KCNRG: variants seen among roughly 807,000 people sequenced by gnomAD.
KCNRG encodes potassium channel regulatory protein.
Under a neutral mutation model 17.7 loss-of-function variants are expected in KCNRG, and 17 were observed. That is an observed-to-expected ratio of 0.96 (90% CI 0.66 to 1.44). KCNRG has a LOEUF of 1.44. Ranked by LOEUF, KCNRG falls within the 40% of genes most tolerant of loss-of-function variation. KCNRG has a pLI of 0.00. For missense variants in KCNRG, 311 were observed against 321.1 expected (o/e 0.97, Z 0.24); for synonymous variants, 97 against 116.5 (o/e 0.83, Z 1.08).
chr13:50,016,955 C>G (rs1042503786), intron 1 of KCNRG: 2 of 165,970 alleles, frequency 1.2e-5, no homozygotes, highest in East Asian at 1.9e-4. Flanking sequence ...GTGTCTCTCT[C>G]TCTTAGCGAC....
rs766962208 is a variant in KCNRG, at chr13:50,020,214, G to C, written c.579G>C (p.Arg193Ser). Residue 193 changes from arginine to serine, a missense_variant and splice_region_variant, in exon 2 of 2, where the codon AGG (arginine) becomes AGC (serine). Arg to Ser is a moderately radical substitution (Grantham distance 110, BLOSUM62 -1). Transcript: ENST00000312942. Reference protein sequence around the residue: ...DSTTDNQTGVRYVSIKPDNRK... With the variant: ...DSTTDNQTGVSYVSIKPDNRK... ...TTAAGCTTCTTTTTGTGTGTCCTAG[G>C]TATGTTTCTATAAAACCTGATAACC... 6.2e-7 allele frequency: 1 copy of C among 1,613,832 alleles called. No homozygotes were observed. The highest frequency in any genetic ancestry group is 1.1e-5 in the South Asian group (1 of 91,070).
chr13:50,020,226 A>G lies in KCNRG; in HGVS notation c.591A>G (p.Ile197Met), dbSNP rs1877073611. ...TTGTGTGTCCTAGGTATGTTTCTAT[A>G]AAACCTGATAACCGAAAATTGGCCA... The part of the protein sequence containing the change: ...DNQTGVRYVS[I>M]KPDNRKLANG... The change falls in exon 2 of 2, where the codon ATA becomes ATG. Residue 197 changes from isoleucine to methionine, a missense_variant. Physicochemically the swap from Ile to Met is conservative, Grantham distance 10. Coordinates refer to ENST00000312942, the MANE Select transcript of KCNRG (RefSeq NM_173605.2). 1.2e-6 allele frequency: 2 copies of G among 1,614,078 alleles called. No individual in the cohort carries two copies. Among genetic ancestry groups the G allele is most frequent in the African/African-American group, 1.3e-5 (1 of 75,060 alleles).
intron 1 of KCNRG, among the ~76,000 whole-genome samples, chr13:50,019,763 C>T (rs1361267906): frequency 6.6e-6 from 1 of 152,110 alleles, no homozygotes; most frequent in African/African-American, 2.4e-5. Flanking sequence ...GGTAGCCTAG[C>T]ACGGTGGCTC....
intron 1 of KCNRG, 30 bp downstream of exon 1, chr13:50,016,101 T>C: frequency 6.7e-7 from 1 of 1,502,792 alleles, no homozygotes; most frequent in Non-Finnish European, 9.2e-7. Flanking sequence ...ATTTCTCTTG[T>C]ATACCAGTTT....
Position 50,020,098 on chromosome 13 carries a change from A to G in KCNRG, c.579-116A>G. On this transcript the variant is annotated intron_variant, in intron 1 of 1. Transcript: ENST00000312942. ...GTAAAGTAAATGAAATTTCAAAAAA[A>G]AAATCTGTCTTGAGAAGGTATGATG... 5 of 959,880 alleles carry G rather than the reference A, an allele frequency of 5.2e-6. No homozygotes were observed. The South Asian group carries it at 6.8e-5, about 13-fold the overall frequency. 59.5% of individuals were successfully genotyped at this position (959,880 alleles called of 1,614,324 possible). A position where few individuals can be genotyped will look rare whatever the true frequency, so the allele number is the denominator to read the frequency against.
In KCNRG at chr13:50,020,837, T is replaced by C. The variant is rs1198896953; in HGVS notation, c.*383T>C. On this transcript the variant is annotated 3_prime_UTR_variant, in exon 2 of 2. Transcript: ENST00000312942. ...ACTTGATCATTACACCTTCTATGCA[T>C]GCAACAAAATGCCACGTGTACCCCA... 3 of 169,044 alleles carry C rather than the reference T, an allele frequency of 1.8e-5. No individual in the cohort carries two copies. The highest frequency in any genetic ancestry group is 4.8e-5 in the African/African-American group (2 of 41,898). 10.5% of individuals were successfully genotyped at this position (169,044 alleles called of 1,614,324 possible). A position where few individuals can be genotyped will look rare whatever the true frequency, so the allele number is the denominator to read the frequency against.
chr13:50,016,266 T>TCCC, intron 1 of KCNRG, 195 bp downstream of exon 1: 2 of 542,924 alleles, frequency 3.7e-6, no homozygotes, highest in Admixed American at 6.8e-5. Flanking sequence ...TGAAAGGGGC[T>TCCC]ATTATTAGGT....
chr13:50,019,910 C>T lies in KCNRG; in HGVS notation c.579-304C>T, dbSNP rs924513214. Among the ~76,000 whole-genome samples, 3 of 151,760 alleles carry T rather than the reference C, an allele frequency of 2.0e-5. No individual in the cohort carries two copies. In the East Asian group the frequency reaches 5.8e-4, roughly 29 times the overall value. On this transcript the variant is annotated intron_variant, in intron 1 of 1. Transcript: ENST00000312942. ...AAAATTAGCCGGGCATGGTGGTGTG[C>T]GCCTGTAATCCCACCTGCTTAGGAG...
Position 50,015,707 on chromosome 13 carries a change from T to G in KCNRG, c.214T>G (p.Leu72Val), listed in dbSNP as rs200994762. 9.3e-6 allele frequency: 15 copies of G among 1,614,108 alleles called. No individual in the cohort carries two copies. Among genetic ancestry groups the G allele is most frequent in the Non-Finnish European group, 1.0e-5 (12 of 1,179,946 alleles). ...LDFLRTHQLL[L>V]PTEFSDYLRL... Reference sequence around the variant, plus strand: ...TTTTTTGAGAACTCACCAGCTTTTATTACCCACTGAATTTTCAGACTATCT... The same window carrying G: ...TTTTTTGAGAACTCACCAGCTTTTAGTACCCACTGAATTTTCAGACTATCT... Residue 72 changes from leucine (L) to valine (V), a missense_variant, in exon 1 of 2, where the codon TTA becomes GTA. Transcript: ENST00000312942.
chr13:50,020,155 T>C lies in KCNRG; in HGVS notation c.579-59T>C. 11 of 1,536,852 alleles carry C rather than the reference T, an allele frequency of 7.2e-6. No individual in the cohort carries two copies. The South Asian group carries it at 1.1e-4, about 15-fold the overall frequency. On this transcript the variant is annotated intron_variant, in intron 1 of 1. Coordinates refer to ENST00000312942, the MANE Select transcript of KCNRG (RefSeq NM_173605.2). ...AGGTTGTAAGTCAAATTTATGTGTA[T>C]AGTTTTGCTAGTTATTAAAGGGATG...
chr13:50,019,617 T>TTTAA (rs78341551), intron 1 of KCNRG, among the ~76,000 whole-genome samples: 26,457 of 150,618 alleles, frequency 0.18, 2,594 homozygotes, highest in African/African-American at 0.27. Context: ...ATTAATACAA[T>TTTAA]TTGTTTGATC....
rs1877112738 is a variant in KCNRG at position 50,020,729 on chromosome 13, C to T, written c.*275C>T. The T allele has an allele frequency of 1.2e-5, 4 of 336,272 alleles. No individual in the cohort carries two copies. Among genetic ancestry groups the T allele is most frequent in the South Asian group, 4.5e-5 (1 of 22,024 alleles). 20.8% of individuals were successfully genotyped at this position (336,272 alleles called of 1,614,324 possible). A position where few individuals can be genotyped will look rare whatever the true frequency, so the allele number is the denominator to read the frequency against. On this transcript the variant is annotated 3_prime_UTR_variant, in exon 2 of 2. Coordinates refer to ENST00000312942, the MANE Select transcript of KCNRG (RefSeq NM_173605.2). ...ATGCTTATGAGCCGAGATTGCGCCA[C>T]TGCACACTAGCTTGGGTGACAGAGG...
At position 50,015,990 on chromosome 13, in the gene KCNRG, TG is replaced by T. The variant is rs1447087900; in HGVS notation, c.498del (p.Pro167LeufsTer31). On this transcript the variant is annotated frameshift_variant, in exon 1 of 2. Transcript: ENST00000312942. LOFTEE classifies it high-confidence loss of function. ...CCTCCTCAGATGACCTTACTTCCACTGCCTCCACAAAGACCTTCTTACCATG... is the reference window on the plus strand; with the variant it reads ...CCTCCTCAGATGACCTTACTTCCACTCCTCCACAAAGACCTTCTTACCATG... ...FFPPQMTLLP[L>X]PPQRPSYHDL... is the part of the protein sequence containing the mutation. 1 of 1,614,108 alleles carries T rather than the reference TG, an allele frequency of 6.2e-7. No homozygotes were observed. The highest frequency in any genetic ancestry group is 2.2e-5 in the East Asian group (1 of 44,878).
In KCNRG at chr13:50,015,862, CA is replaced by C; in HGVS notation, c.370del (p.Arg124GlyfsTer13). 6.2e-7 allele frequency: 1 copy of C among 1,614,068 alleles called. No homozygotes were observed. The highest frequency in any genetic ancestry group is 8.5e-7 in the Non-Finnish European group (1 of 1,179,968). On this transcript the variant is annotated frameshift_variant, in exon 1 of 2. Transcript: ENST00000312942. LOFTEE classifies it high-confidence loss of function. ...FLSRNTQAFF[R>X]VFGSCSKTIE... ...TAAGCCGGAACACTCAAGCTTTTTT[CA>C]GGGTGTTTGGCTCTTGCAGCAAAAC...
chr13:50,020,375 G>A lies in KCNRG; in HGVS notation c.740G>A (p.Ser247Asn), dbSNP rs745323103. 1.9e-6 allele frequency: 3 copies of A among 1,613,958 alleles called. No homozygotes were observed. Among genetic ancestry groups the A allele is most frequent in the Non-Finnish European group, 1.7e-6 (2 of 1,179,846 alleles). The change falls in exon 2 of 2, where the codon AGC becomes AAC. Residue 247 changes from serine (S) to asparagine (N), a missense_variant. By Grantham distance (46) the Ser-to-Asn change is conservative. Coordinates refer to ENST00000312942, the MANE Select transcript of KCNRG (RefSeq NM_173605.2). ...TECYSFERIK[S>N]PEVLITNETP... is the part of the protein sequence containing the mutation. ...TGCTATAGCTTTGAAAGGATAAAAA[G>A]CCCTGAAGTGCTCATCACGAATGAA...
intron 1 of KCNRG, 151 bp downstream of exon 1, chr13:50,016,222 ATAAT>A (rs1169772014): frequency 4.9e-6 from 3 of 612,782 alleles, no homozygotes; most frequent in Non-Finnish European, 8.7e-6. Context: ...GAATGACCAA[ATAAT>A]TATTTTCCAA....
At chr13:50,018,107 A>G (rs1876842351) in intron 1 of KCNRG, 1 of 167,070 alleles carries the variant, frequency 6.0e-6, no homozygotes, top group African/African-American at 2.4e-5. Context: ...GCTCAAATGG[A>G]AAAGTGTAGT....
In KCNRG at chr13:50,020,618, C is replaced by G; in HGVS notation, c.*164C>G. The G allele has an allele frequency of 4.7e-6, 3 of 635,922 alleles. No individual in the cohort carries two copies. In the Admixed American group the frequency reaches 8.8e-5, roughly 19 times the overall value. 39.4% of individuals were successfully genotyped at this position (635,922 alleles called of 1,614,324 possible). A position where few individuals can be genotyped will look rare whatever the true frequency, so the allele number is the denominator to read the frequency against. ...CCCAACTGTGCTTAAGCCATAATGCCTGCTGCTCTCTAGACAACTCCATGT... is the reference window on the plus strand; with the variant it reads ...CCCAACTGTGCTTAAGCCATAATGCGTGCTGCTCTCTAGACAACTCCATGT... On this transcript the variant is annotated 3_prime_UTR_variant, in exon 2 of 2. Transcript: ENST00000312942.
chr13:50,020,042 GAAAAA>G (rs59250747), intron 1 of KCNRG, among the ~76,000 whole-genome samples, 167 bp from the exon 2 acceptor site: 3 of 124,998 alleles, frequency 2.4e-5, no homozygotes, highest in Non-Finnish European at 3.5e-5. Context: ...CATCTCAAAA[GAAAAA>G]AAAAAAAAAT....
Sources: gnomAD v4.1 joint callset for allele counts (sites outside exome capture counted in the v4.1 genomes callset) on GRCh38, gnomAD v4.1.1 for gene constraint, MANE v1.5 for transcripts, NCBI Gene and HGNC (gene_info 2026-07-23, HGNC 2026-07-21) for gene names.